HEATR1: variants seen among roughly 807,000 people sequenced by gnomAD.
The protein encoded by HEATR1 is HEAT repeat-containing protein 1.
A neutral mutation model predicts 248.2 loss-of-function variants in HEATR1; 77 were observed. The ratio of observed to expected loss-of-function variants is 0.31; its 90% CI spans 0.26 to 0.37. HEATR1 has a LOEUF of 0.37. Ranked by LOEUF, HEATR1 falls within the 10% of genes least tolerant of loss-of-function variation. The pLI is 1.00. For synonymous variants in HEATR1, 897 were observed against 923.1 expected (o/e 0.97, Z 0.51); for missense variants, 2,420 against 2,504.9 (o/e 0.97, Z 0.72).
At chr1:236,566,078 T>C (rs1413554996) in intron 30 of HEATR1, 33 bp from the exon 31 acceptor site, 2 of 1,600,410 alleles carry the variant, frequency 1.2e-6, no homozygotes, top group Non-Finnish European at 1.7e-6. Flanking sequence ...AACAAATCTG[T>C]ACTTAGGAAT....
intron 44 of HEATR1, 186 bp downstream of exon 44, chr1:236,551,813 C>T (rs1440536592): frequency 7.2e-6 from 4 of 551,840 alleles, no homozygotes; most frequent in African/African-American, 1.9e-5. Context: ...CAACTTGCTC[C>T]CTCCACCCAA....
chr1:236,550,829 C>T lies in HEATR1; in HGVS notation c.*73G>A, dbSNP rs1305117589. 3 of 1,183,926 alleles carry T rather than the reference C, an allele frequency of 2.5e-6. No homozygotes were observed. The African/African-American group carries it at 4.6e-5, about 18-fold the overall frequency. The allele number at this position is 1,183,926 out of a possible 1,614,324, so 73.3% of individuals were successfully genotyped here. On this transcript the variant is annotated 3_prime_UTR_variant, in exon 45 of 45. Coordinates refer to ENST00000366582, the MANE Select transcript of HEATR1 (RefSeq NM_018072.6). ...TTAAGGCACCAAAAGTAACATGGCA[C>T]CCAACACCCAAAAATAAAAATATGA...
chr1:236,555,822 G>A lies in HEATR1; in HGVS notation c.5632C>T (p.Arg1878Ter). 3 of 1,614,102 alleles carry A rather than the reference G, an allele frequency of 1.9e-6. No individual in the cohort carries two copies. In the African/African-American group the frequency reaches 4.0e-5, roughly 22 times the overall value. Reference protein sequence around the residue: ...TAFFLEALDFRAQHSENDLEE... With the variant: ...TAFFLEALDF ...GAGCTTACCTCAGAGTGCTGGGCTC[G>A]GAAGTCCAGGGCTTCCAGGAAAAAG... The change falls in exon 39 of 45, where the codon CGA becomes TGA. Residue 1878 changes from arginine to a stop codon, truncating the protein, a stop_gained. Coordinates refer to ENST00000366582, the MANE Select transcript of HEATR1 (RefSeq NM_018072.6). LOFTEE classifies it high-confidence loss of function.
At position 236,604,429 on chromosome 1, in the gene HEATR1, T is replaced by C. The variant is rs1457088946; in HGVS notation, c.-40A>G. 9.2e-6 allele frequency: 2 copies of C among 216,792 alleles called. No individual in the cohort carries two copies. The highest frequency in any genetic ancestry group is 1.0e-4 in the East Asian group (1 of 9,686). The allele number at this position is 216,792 out of a possible 1,614,324, so 13.4% of individuals were successfully genotyped here. A position where few individuals can be genotyped will look rare whatever the true frequency, so the allele number is the denominator to read the frequency against. On this transcript the variant is annotated 5_prime_UTR_variant, in exon 1 of 45. Transcript: ENST00000366582. ...CGGCTCTGTGCCGCTTACCTGGAAC[T>C]GGGAATTTGGGTATATCTTGGAAGG...
chr1:236,577,028 A>G (rs1262197822), intron 20 of HEATR1, 79 bp from the exon 21 acceptor site: 4 of 1,113,690 alleles, frequency 3.6e-6, no homozygotes, highest in Non-Finnish European at 5.0e-6. Context: ...TACCAAAGGT[A>G]CTTGATAAAA....
chr1:236,587,718 A>G (rs1663932365), intron 13 of HEATR1, among the ~76,000 whole-genome samples: 2 of 152,196 alleles, frequency 1.3e-5, no homozygotes, highest in South Asian at 4.1e-4. Context: ...CAATATAAAA[A>G]TTCACAAAAC....
chr1:236,576,104 A>C, intron 22 of HEATR1, 115 bp downstream of exon 22: 1 of 679,786 alleles, frequency 1.5e-6, no homozygotes, highest in Admixed American at 3.1e-5. Flanking sequence ...TATTACATTT[A>C]TCTCTTCTGA....
rs1254951470 is a variant in HEATR1 at position 236,574,820 on chromosome 1, C to T, written c.3168G>A (p.Glu1056=). ...QKEPTAVLKD[E]AMVLHLTLGK... ...CCAGAGTGAGATGCAGAACCATGGC[C>T]TCATCTTTCAGCACAGCTGTGGGCT... The change falls in exon 23 of 45, where the codon GAG becomes GAA. Residue 1056 remains glutamate, a synonymous_variant. Coordinates refer to ENST00000366582, the MANE Select transcript of HEATR1 (RefSeq NM_018072.6). 6 of 1,613,836 alleles carry T rather than the reference C, an allele frequency of 3.7e-6. No individual in the cohort carries two copies. Among genetic ancestry groups the T allele is most frequent in the African/African-American group, 1.3e-5 (1 of 74,906 alleles).
intron 20 of HEATR1, among the ~76,000 whole-genome samples, chr1:236,580,868 G>T (rs1191875655): frequency 7.0e-6 from 1 of 141,998 alleles, no homozygotes; most frequent in Non-Finnish European, 1.5e-5. Flanking sequence ...TCACCAGGCT[G>T]GAGTGCAGTG....
chr1:236,574,672 C>T lies in HEATR1; in HGVS notation c.3316G>A (p.Ala1106Thr), dbSNP rs773213234. 4 of 1,613,240 alleles carry T rather than the reference C, an allele frequency of 2.5e-6. No homozygotes were observed. The South Asian group carries it at 4.4e-5, about 18-fold the overall frequency. ...YAGMPTIQIT[A>T]LEKITKPFFA... The stretch of plus-strand genomic sequence containing the variant: ...AAGAAATCACTGACCTTTTCAAGGG[C>T]TGTGATCTGAATGGTTGGCATTCCC... The change falls in exon 23 of 45, where the codon GCC becomes ACC. Residue 1106 changes from alanine (A) to threonine (T), a missense_variant. Physicochemically the swap from Ala to Thr is moderately conservative, Grantham distance 58. Transcript: ENST00000366582.
At chr1:236,596,780 G>GC (rs1664187647) in intron 6 of HEATR1, 56 bp downstream of exon 6, 14 of 1,487,248 alleles carry the variant, frequency 9.4e-6, no homozygotes, top group Non-Finnish European at 1.3e-5. Context: ...ACTTTCGAAA[G>GC]CAAGAAAATT....
rs878894381 is a variant in HEATR1 at position 236,568,900 on chromosome 1, A to C, written c.4077+96T>G. ...TTGAGGATATTAAAAAAAAAAAACA[A>C]AAAAAAAAAACTAAAAAAAAGGCTT... On this transcript the variant is annotated intron_variant, in intron 29 of 44. Transcript: ENST00000366582. 2.4e-3 allele frequency: 1,399 copies of C among 574,284 alleles called. 1 individual carries two copies. Among genetic ancestry groups the C allele is most frequent in the East Asian group, 3.6e-3 (74 of 20,444 alleles). The allele number at this position is 574,284 out of a possible 1,614,324, so 35.6% of individuals were successfully genotyped here.
intron 18 of HEATR1, 50 bp from the exon 19 acceptor site, chr1:236,582,922 T>A: frequency 1.2e-6 from 2 of 1,608,124 alleles, no homozygotes; most frequent in Non-Finnish European, 1.7e-6. Flanking sequence ...ATGAACATGC[T>A]GGGAGCTTTT....
chr1:236,551,024 C>T lies in HEATR1; in HGVS notation c.6347-34G>A, dbSNP rs143738830. 1.7e-5 allele frequency: 25 copies of T among 1,485,816 alleles called. No individual in the cohort carries two copies. In the East Asian group the frequency reaches 4.9e-4, roughly 29 times the overall value. The allele number at this position is 1,485,816 out of a possible 1,614,324, so 92.0% of individuals were successfully genotyped here. A position where few individuals can be genotyped will look rare whatever the true frequency, so the allele number is the denominator to read the frequency against. On this transcript the variant is annotated intron_variant, in intron 44 of 44. Transcript: ENST00000366582. ...AAAAAAAAAAAATCAAAATTAAAAT[C>T]TGAGTCAGTCCGCCTGCCTCGGTTC...
chr1:236,565,977 C>T lies in HEATR1; in HGVS notation c.4377G>A (p.Gln1459=). Residue 1459 remains glutamine (Q), a synonymous_variant, in exon 31 of 45, where the codon CAG becomes CAA. Coordinates refer to ENST00000366582, the MANE Select transcript of HEATR1 (RefSeq NM_018072.6). ...SVCCEFSVQH[Q]IQSLMNILQY... is the part of the protein sequence containing the mutation. ...GGAGGATATTCATCAAGCTTTGTAT[C>T]TGATGCTGGACACTAAACTCACAAC... 1.9e-6 allele frequency: 3 copies of T among 1,613,902 alleles called. No homozygotes were observed. Among genetic ancestry groups the T allele is most frequent in the Non-Finnish European group, 2.5e-6 (3 of 1,179,836 alleles).
In HEATR1 at chr1:236,550,770, G is replaced by A; in HGVS notation, c.*132C>T. ...CCAGGTGGGGATTTTGTAAAGAAGT[G>A]ATAAAACATTTGTAAGTAATCCAAG... On this transcript the variant is annotated 3_prime_UTR_variant, in exon 45 of 45. Transcript: ENST00000366582. 1 of 670,604 alleles carries A rather than the reference G, an allele frequency of 1.5e-6. No individual in the cohort carries two copies. The highest frequency in any genetic ancestry group is 2.1e-5 in the South Asian group (1 of 47,184). The allele number at this position is 670,604 out of a possible 1,614,324, so 41.5% of individuals were successfully genotyped here. A position where few individuals can be genotyped will look rare whatever the true frequency, so the allele number is the denominator to read the frequency against.
Position 236,599,488 on chromosome 1 carries a change from C to T in HEATR1, c.496G>A (p.Val166Ile), listed in dbSNP as rs779759770. The T allele has an allele frequency of 6.2e-7, 1 of 1,611,554 alleles. No individual in the cohort carries two copies. Among genetic ancestry groups the T allele is most frequent in the Non-Finnish European group, 8.5e-7 (1 of 1,178,840 alleles). Reference sequence around the variant, plus strand: ...ATGTCATTCAGCAATTATACCTTAACTGGCAACAACCAGAACCATCTGTGC... The same window carrying T: ...ATGTCATTCAGCAATTATACCTTAATTGGCAACAACCAGAACCATCTGTGC... ...SKHRWFWLLP[V>I]KQSGVPLAKG... Residue 166 changes from valine (V) to isoleucine (I), a missense_variant, in exon 4 of 45, where the codon GTT becomes ATT. Transcript: ENST00000366582.
Position 236,604,119 on chromosome 1 carries a change from T to A in HEATR1, c.-24A>T. The A allele has an allele frequency of 6.5e-7, 1 of 1,542,718 alleles. No individual in the cohort carries two copies. The highest frequency in any genetic ancestry group is 8.7e-7 in the Non-Finnish European group (1 of 1,152,780). On this transcript the variant is annotated 5_prime_UTR_variant, in exon 2 of 45. Transcript: ENST00000366582. The stretch of plus-strand genomic sequence containing the variant: ...ATCTTTCACGCCAGCGGAGTTTTAA[T>A]GACACGGGCTAAAAAAACGTAAGCA...
At chr1:236,576,736 A>G in intron 21 of HEATR1, 44 bp downstream of exon 21, 1 of 1,553,216 alleles carries the variant, frequency 6.4e-7, no homozygotes, top group South Asian at 1.2e-5. Flanking sequence ...GCTCCAGTAC[A>G]CAGAGGCATG....
Sources: allele counts gnomAD v4.1 joint callset (sites outside exome capture counted in the v4.1 genomes callset), GRCh38; gene constraint gnomAD v4.1.1; transcripts MANE v1.5; gene names NCBI Gene and HGNC (gene_info 2026-07-23, HGNC 2026-07-21).